LRMDA: variants seen among roughly 807,000 people sequenced by gnomAD.
LRMDA encodes the protein leucine rich melanocyte differentiation associated.
A neutral mutation model predicts 29.8 loss-of-function variants in LRMDA; 18 were observed. The observed-to-expected ratio is 0.60, with a 90% confidence interval of 0.42 to 0.90. The LOEUF is 0.90. Ranked by LOEUF, LRMDA falls within the 40% of genes least tolerant of loss-of-function variation. LRMDA has a pLI of 0.00. For synonymous variants in LRMDA, 125 were observed against 109.4 expected (o/e 1.14, Z -0.89); for missense variants, 273 against 273.9 (o/e 1.00, Z 0.02).
intron 6 of LRMDA, among the ~76,000 whole-genome samples, chr10:76,362,873 T>C (rs888848443): frequency 1.3e-5 from 2 of 151,912 alleles, no homozygotes; most frequent in Non-Finnish European, 2.9e-5. Context: ...TTGTTGCTTT[T>C]ATTGAATGAC....
intron 6 of LRMDA, among the ~76,000 whole-genome samples, chr10:76,382,631 C>T (rs1200315086): frequency 6.6e-6 from 1 of 152,186 alleles, no homozygotes; most frequent in Non-Finnish European, 1.5e-5. Flanking sequence ...TCCTTTTGGC[C>T]ATTAATCTGC....
At chr10:75,475,272 G>A (rs1236758810) in intron 2 of LRMDA, among the ~76,000 whole-genome samples, 1 of 152,162 alleles carries the variant, frequency 6.6e-6, no homozygotes, top group Non-Finnish European at 1.5e-5. Context: ...TGGTCCTCCT[G>A]TGAGGCCTCT....
At chr10:76,551,109 A>G (rs1416798719) in intron 6 of LRMDA, among the ~76,000 whole-genome samples, 1 of 152,204 alleles carries the variant, frequency 6.6e-6, no homozygotes, top group African/African-American at 2.4e-5. Context: ...TTCCCACTGT[A>G]TGATGTTTAC....
chr10:75,719,581 G>A (rs1055932008), intron 2 of LRMDA, among the ~76,000 whole-genome samples: 5 of 152,170 alleles, frequency 3.3e-5, no homozygotes. Flanking sequence ...ATTTTCCCTA[G>A]AGTTGGTCAT....
In LRMDA at chr10:76,038,965, C is replaced by T. The variant is rs1210287787; in HGVS notation, c.258+2831C>T. ...GGAGGCTCAACTGGGGCTGGATGGT[C>T]TAAGATGACCTCACTCATATGTCTG... On this transcript the variant is annotated intron_variant, in intron 3 of 6. Coordinates refer to ENST00000611255, the MANE Select transcript of LRMDA (RefSeq NM_001305581.2). Among the ~76,000 whole-genome samples, 4 of 152,172 alleles carry T rather than the reference C, an allele frequency of 2.6e-5. No homozygotes were observed. The East Asian group carries it at 7.7e-4, about 29-fold the overall frequency.
intron 2 of LRMDA, among the ~76,000 whole-genome samples, chr10:75,502,556 A>G (rs894871297): frequency 6.6e-6 from 1 of 152,114 alleles, no homozygotes; most frequent in African/African-American, 2.4e-5. Flanking sequence ...AATCTGGTAC[A>G]ATAAATGTCT....
chr10:76,091,985 C>A lies in LRMDA; in HGVS notation c.516+33202C>A, dbSNP rs370733570. ...TACAGATGTGAGCCACCAGTATCCCCCTTTCACTGGCTTTTGACACTTTCT... is the reference window on the plus strand; with the variant it reads ...TACAGATGTGAGCCACCAGTATCCCACTTTCACTGGCTTTTGACACTTTCT... On this transcript the variant is annotated intron_variant, in intron 5 of 6. Transcript: ENST00000611255. Among the ~76,000 whole-genome samples the A allele has an allele frequency of 1.2e-4, 19 of 152,300 alleles. No individual in the cohort carries two copies. In the East Asian group the frequency reaches 3.5e-3, roughly 28 times the overall value.
intron 6 of LRMDA, among the ~76,000 whole-genome samples, chr10:76,460,028 T>C (rs542462732): frequency 6.6e-6 from 1 of 152,258 alleles, no homozygotes; most frequent in African/African-American, 2.4e-5. Context: ...ATAGAACACA[T>C]AATATCCTAT....
intron 5 of LRMDA, among the ~76,000 whole-genome samples, chr10:76,297,509 C>A (rs944422197): frequency 6.6e-6 from 1 of 152,178 alleles, no homozygotes; most frequent in African/African-American, 2.4e-5. Flanking sequence ...GCAGAAGCAA[C>A]CCTTTGGGGT....
At chr10:75,851,005 T>C (rs1359786618) in intron 2 of LRMDA, among the ~76,000 whole-genome samples, 1 of 152,132 alleles carries the variant, frequency 6.6e-6, no homozygotes, top group Non-Finnish European at 1.5e-5. Context: ...AAAAAAATTG[T>C]TTTTTTAACC....
intron 6 of LRMDA, among the ~76,000 whole-genome samples, chr10:76,553,346 T>C (rs1261905421): frequency 1.3e-5 from 2 of 152,230 alleles, no homozygotes; most frequent in African/African-American, 4.8e-5. Context: ...TAGAAACAAA[T>C]GAATCCGTTG....
At chr10:75,903,545 T>A (rs1845711969) in intron 2 of LRMDA, among the ~76,000 whole-genome samples, 1 of 152,228 alleles carries the variant, frequency 6.6e-6, no homozygotes, top group Admixed American at 6.5e-5. Flanking sequence ...ATTCCCCGCA[T>A]TTGCATAGTT....
intron 2 of LRMDA, among the ~76,000 whole-genome samples, chr10:75,975,358 A>G (rs530062804): frequency 6.6e-6 from 1 of 152,310 alleles, no homozygotes; most frequent in South Asian, 2.1e-4. Flanking sequence ...GAGTGAGGTC[A>G]TTACCTCCCT....
At chr10:75,689,148 T>C (rs1319068301) in intron 2 of LRMDA, among the ~76,000 whole-genome samples, 1 of 152,194 alleles carries the variant, frequency 6.6e-6, no homozygotes, top group Non-Finnish European at 1.5e-5. Context: ...ATCTTTGAGC[T>C]AAAGAAGTAT....
At chr10:75,962,573 C>T (rs1302656857) in intron 2 of LRMDA, among the ~76,000 whole-genome samples, 2 of 152,156 alleles carry the variant, frequency 1.3e-5, no homozygotes, top group African/African-American at 4.8e-5. Flanking sequence ...GTTCACTGCC[C>T]CATGCACATG....
At chr10:76,543,316 C>CTGTGTGTG (rs71028203) in intron 6 of LRMDA, among the ~76,000 whole-genome samples, 22 of 144,222 alleles carry the variant, frequency 1.5e-4, no homozygotes, top group Middle Eastern at 7.4e-3. Flanking sequence ...TGGGGTGTGC[C>CTGTGTGTG]TGTGTGTGTG....
chr10:76,399,958 C>G (rs1039519846), intron 6 of LRMDA, among the ~76,000 whole-genome samples: 2 of 152,180 alleles, frequency 1.3e-5, no homozygotes, highest in Non-Finnish European at 2.9e-5. Flanking sequence ...TATCTGTTAT[C>G]TGGTGTTCAT....
intron 2 of LRMDA, among the ~76,000 whole-genome samples, chr10:75,875,644 C>G (rs952389130): frequency 6.6e-6 from 1 of 152,170 alleles, no homozygotes; most frequent in Non-Finnish European, 1.5e-5. Context: ...GTTGGTCAGG[C>G]TGGTCTCGAA....
At chr10:75,668,337 G>T (rs898397254) in intron 2 of LRMDA, among the ~76,000 whole-genome samples, 4 of 152,140 alleles carry the variant, frequency 2.6e-5, no homozygotes, top group African/African-American at 9.7e-5. Context: ...TGGCTACCTG[G>T]GATGCTGTGT....
Sources: allele counts gnomAD v4.1 joint callset (sites outside exome capture counted in the v4.1 genomes callset), GRCh38; gene constraint gnomAD v4.1.1; transcripts MANE v1.5; gene names NCBI Gene and HGNC (gene_info 2026-07-23, HGNC 2026-07-21).